FKBP15: variants seen among roughly 807,000 people sequenced by gnomAD.
FKBP15 encodes FK506-binding protein 15.
In FKBP15, 106 loss-of-function variants were observed where a neutral mutation model predicts 158.1. The observed-to-expected ratio is 0.67, with a 90% CI of 0.57 to 0.79. FKBP15 has a LOEUF of 0.79. FKBP15 is among the 30% of genes least tolerant of loss of function. The pLI, the probability that FKBP15 is intolerant of heterozygous loss-of-function variation, is 0.00. For missense variants in FKBP15, 1,287 were observed against 1,479.1 expected (o/e 0.87, Z 2.13); for synonymous variants, 547 against 548.6 (o/e 1.00, Z 0.04).
chr9:113,187,863 G>C lies in FKBP15; in HGVS notation c.1313C>G (p.Ser438Cys). The C allele has an allele frequency of 1.2e-6, 2 of 1,613,942 alleles. No homozygotes were observed. Among genetic ancestry groups the C allele is most frequent in the Non-Finnish European group, 1.7e-6 (2 of 1,179,832 alleles). The change falls in exon 14 of 28, where the codon TCT (serine) becomes TGT (cysteine). Residue 438 changes from serine to cysteine, a missense_variant. Ser to Cys is a moderately radical substitution (Grantham distance 112, BLOSUM62 -1). Transcript: ENST00000238256. Reference sequence around the variant, plus strand: ...AGATGACACTTGCATTAAGGCAGCAGAAGGTGCCTGGAGCCCAGTAACAGA... The same window carrying C: ...AGATGACACTTGCATTAAGGCAGCACAAGGTGCCTGGAGCCCAGTAACAGA... ...QPSVTGLQAP[S>C]AALMQVSSLD... is the part of the protein sequence containing the mutation.
At chr9:113,216,082 T>TTAAAAAA (rs1831125687) in intron 1 of FKBP15, among the ~76,000 whole-genome samples, 1 of 39,788 alleles carries the variant, frequency 2.5e-5, no homozygotes, top group African/African-American at 1.4e-4. Flanking sequence ...CTTTATTTTG[T>TTAAAAAA]GAAAAAAAAA....
At chr9:113,196,859 T>A in intron 9 of FKBP15, 73 bp downstream of exon 9, 1 of 1,522,414 alleles carries the variant, frequency 6.6e-7, no homozygotes, top group African/African-American at 1.4e-5. Context: ...CTTCATTTAT[T>A]TATTCATTTT....
intron 27 of FKBP15, 136 bp from the exon 28 acceptor site, chr9:113,166,291 G>C (rs1830097987): frequency 1.5e-6 from 1 of 678,576 alleles, no homozygotes; most frequent in Non-Finnish European, 2.5e-6. Context: ...GGCCAACTCT[G>C]AGGCCAGCAA....
chr9:113,212,612 T>C (rs1436794322), intron 1 of FKBP15, among the ~76,000 whole-genome samples: 1 of 152,168 alleles, frequency 6.6e-6, no homozygotes, highest in East Asian at 1.9e-4. Context: ...TCTGCAGGGG[T>C]TGTGGAAGGA....
Position 113,161,304 on chromosome 9 carries a change from A to T in FKBP15, c.*4774T>A. On this transcript the variant is annotated 3_prime_UTR_variant, in exon 28 of 28. Coordinates refer to ENST00000238256, the MANE Select transcript of FKBP15 (RefSeq NM_015258.2). ...TTCACCCTCAGCCCCTGGATTTTTC[A>T]GGTGGCTTCTCTTCCTGATCTCAAA... 1 of 563,170 alleles carries T rather than the reference A, an allele frequency of 1.8e-6. No homozygotes were observed. The highest frequency in any genetic ancestry group is 3.1e-6 in the Non-Finnish European group (1 of 321,890). The allele number at this position is 563,170 out of a possible 1,614,324, so 34.9% of individuals were successfully genotyped here. A position where few individuals can be genotyped will look rare whatever the true frequency, so the allele number is the denominator to read the frequency against.
rs1429491817 is a variant in FKBP15 at position 113,165,563 on chromosome 9, CATT to C, written c.*512_*514del. The C allele has an allele frequency of 1.3e-5, 2 of 152,286 alleles. No homozygotes were observed. Among genetic ancestry groups the C allele is most frequent in the African/African-American group, 4.8e-5 (2 of 41,434 alleles). The allele number at this position is 152,286 out of a possible 1,614,324, so 9.4% of individuals were successfully genotyped here. On this transcript the variant is annotated 3_prime_UTR_variant, in exon 28 of 28. Coordinates refer to ENST00000238256, the MANE Select transcript of FKBP15 (RefSeq NM_015258.2). ...TTTATTTTAGTTTTATTTTCAAAGT[CATT>C]GACCTCTTGTATCAGATTTAAGGCA...
At chr9:113,214,615 A>G (rs1831080848) in intron 1 of FKBP15, among the ~76,000 whole-genome samples, 1 of 152,232 alleles carries the variant, frequency 6.6e-6, no homozygotes, top group Non-Finnish European at 1.5e-5. Flanking sequence ...ATGGTACATG[A>G]GCAACGGCTT....
chr9:113,217,976 T>C (rs1831173317), intron 1 of FKBP15, among the ~76,000 whole-genome samples: 2 of 152,134 alleles, frequency 1.3e-5, no homozygotes, highest in Admixed American at 6.6e-5. Flanking sequence ...ATATTTATAA[T>C]TCATAGGAAA....
In FKBP15 at chr9:113,188,404, G is replaced by A. The variant is rs1830518908; in HGVS notation, c.1261C>T (p.Gln421Ter). ...SLHPAHPALP[Q>*]MTSQAPQPSV... ...GGTTCCTTACCCTGTGAGGTCATCT[G>A]TGGTAACGCTGGATGGGCCGGATGA... Residue 421 changes from glutamine to a stop codon, truncating the protein, a stop_gained, in exon 13 of 28, where the codon CAG becomes TAG. Transcript: ENST00000238256. LOFTEE classifies it high-confidence loss of function. 4 of 1,613,810 alleles carry A rather than the reference G, an allele frequency of 2.5e-6. No homozygotes were observed. Among genetic ancestry groups the A allele is most frequent in the Non-Finnish European group, 3.4e-6 (4 of 1,179,740 alleles).
chr9:113,214,959 C>A (rs1340356555), intron 1 of FKBP15, among the ~76,000 whole-genome samples: 1 of 152,252 alleles, frequency 6.6e-6, no homozygotes, highest in Non-Finnish European at 1.5e-5. Flanking sequence ...TCACCTCGCT[C>A]AGCCTTCACA....
At chr9:113,215,562 G>A (rs1266098789) in intron 1 of FKBP15, among the ~76,000 whole-genome samples, 1 of 148,076 alleles carries the variant, frequency 6.8e-6, no homozygotes, top group East Asian at 2.0e-4. Flanking sequence ...ATATGTGTGT[G>A]TATATATAAA....
rs760801472 is a variant in FKBP15 at position 113,207,308 on chromosome 9, C to A, written c.170-12G>T. On this transcript the variant is annotated splice_polypyrimidine_tract_variant and intron_variant, in intron 2 of 27. Transcript: ENST00000238256. ...TGTTGCCTGATTTCCTGAAGATGAA[C>A]AAGAAAACAAAGTTGTCATTCACTT... is the stretch of plus-strand genomic sequence containing the variant. The A allele has an allele frequency of 8.7e-5, 137 of 1,578,422 alleles. No individual in the cohort carries two copies. The highest frequency in any genetic ancestry group is 1.1e-4 in the Non-Finnish European group (126 of 1,163,984).
rs1453469002 is a variant in FKBP15, at chr9:113,161,937, G to T, written c.*4141C>A. 1.6e-6 allele frequency: 1 copy of T among 623,154 alleles called. No homozygotes were observed. Among genetic ancestry groups the T allele is most frequent in the Non-Finnish European group, 2.9e-6 (1 of 346,738 alleles). 38.6% of individuals were successfully genotyped at this position (623,154 alleles called of 1,614,324 possible). A position where few individuals can be genotyped will look rare whatever the true frequency, so the allele number is the denominator to read the frequency against. On this transcript the variant is annotated 3_prime_UTR_variant, in exon 28 of 28. Coordinates refer to ENST00000238256, the MANE Select transcript of FKBP15 (RefSeq NM_015258.2). Reference sequence around the variant, plus strand: ...AGAGGCTCAGAAGGCTTTCTTTAGGGAACAGTGATCTTCAGGTGCAGGCCC... The same window carrying T: ...AGAGGCTCAGAAGGCTTTCTTTAGGTAACAGTGATCTTCAGGTGCAGGCCC...
In FKBP15 at chr9:113,194,048, G is replaced by A. The variant is rs1830625064; in HGVS notation, c.986C>T (p.Thr329Ile). ...TTACCCTGATTTGAAAGGTATTGAT[G>A]TGGGTGGTGACACAACAGGATCAGC... ...LSADPVVSPP[T>I]SIPFKSGEPA... The change falls in exon 10 of 28, where the codon ACA becomes ATA. Residue 329 changes from threonine (T) to isoleucine (I), a missense_variant. Thr to Ile is a moderately conservative substitution (Grantham distance 89). Coordinates refer to ENST00000238256, the MANE Select transcript of FKBP15 (RefSeq NM_015258.2). The A allele has an allele frequency of 1.2e-6, 2 of 1,612,882 alleles. No homozygotes were observed. Among genetic ancestry groups the A allele is most frequent in the Non-Finnish European group, 1.7e-6 (2 of 1,179,154 alleles).
At chr9:113,190,099 A>G (rs1317470654) in intron 12 of FKBP15, among the ~76,000 whole-genome samples, 4 of 152,258 alleles carry the variant, frequency 2.6e-5, no homozygotes, top group African/African-American at 9.6e-5. Flanking sequence ...AACATCAGCG[A>G]GAAGACCAAC....
At chr9:113,210,332 CTT>C (rs35201179) in intron 2 of FKBP15, among the ~76,000 whole-genome samples, 10 of 114,732 alleles carry the variant, frequency 8.7e-5, no homozygotes, top group Non-Finnish European at 1.4e-4. Flanking sequence ...GTTGTGATGG[CTT>C]TTTTTTTTTT....
At chr9:113,215,642 ATATTTTT>A (rs1457984638) in intron 1 of FKBP15, among the ~76,000 whole-genome samples, 62 of 82,546 alleles carry the variant, frequency 7.5e-4, no homozygotes, top group African/African-American at 1.6e-3. Context: ...ATATATATAT[ATATTTTT>A]TTTTTTTTTT....
chr9:113,178,858 A>G lies in FKBP15; in HGVS notation c.1915-57T>C, dbSNP rs551544554. On this transcript the variant is annotated intron_variant, in intron 19 of 27. Coordinates refer to ENST00000238256, the MANE Select transcript of FKBP15 (RefSeq NM_015258.2). ...AACATAGGTGTTCTCCATGCAGGTGATGAACCAACCTCACATAACTCTATG... is the reference window on the plus strand; with the variant it reads ...AACATAGGTGTTCTCCATGCAGGTGGTGAACCAACCTCACATAACTCTATG... 163 of 1,492,650 alleles carry G rather than the reference A, an allele frequency of 1.1e-4. No homozygotes were observed. In the South Asian group the frequency reaches 1.9e-3, roughly 17 times the overall value. 92.5% of individuals were successfully genotyped at this position (1,492,650 alleles called of 1,614,324 possible).
rs370333882 is a variant in FKBP15, at chr9:113,174,619, G to T, written c.2224-36C>A. On this transcript the variant is annotated intron_variant, in intron 21 of 27. Transcript: ENST00000238256. ...AGAGAACCATCATCAGCTCTAGCTT[G>T]TTAACAGAGAATAAAGAGGGATGAT... 454 of 1,598,558 alleles carry T rather than the reference G, an allele frequency of 2.8e-4. 8 individuals carry two copies. In the South Asian group the frequency reaches 4.2e-3, roughly 15 times the overall value.
Sources: allele counts gnomAD v4.1 joint callset (sites outside exome capture counted in the v4.1 genomes callset), GRCh38; gene constraint gnomAD v4.1.1; transcripts MANE v1.5; gene names NCBI Gene and HGNC (gene_info 2026-07-23, HGNC 2026-07-21).